The following BMAL2 variants were observed in gnomAD, a reference collection of about 807,000 sequenced individuals.
BMAL2 encodes the protein basic helix-loop-helix ARNT like 2.
the BMAL2 span, chr12:27,390,305 G>A: frequency 6.7e-7 from 1 of 1,493,522 alleles, no homozygotes; most frequent in Admixed American, 1.9e-5. Flanking sequence ...AATATTTTCT[G>A]TACAGAAAAA....
At chr12:27,409,736 T>A in the BMAL2 span, among the ~76,000 whole-genome samples, 5 of 151,694 alleles carry the variant, frequency 3.3e-5, no homozygotes, top group Non-Finnish European at 5.9e-5. Context: ...AAGCCAAAAT[T>A]GACAAATGGG....
chr12:27,373,844 G>A, the BMAL2 span, among the ~76,000 whole-genome samples: 1 of 152,128 alleles, frequency 6.6e-6, no homozygotes, highest in South Asian at 2.1e-4. Flanking sequence ...GTAATGTAAG[G>A]TTCTACACTA....
chr12:27,380,931 A>G, the BMAL2 span, among the ~76,000 whole-genome samples: 1 of 151,940 alleles, frequency 6.6e-6, no homozygotes, highest in Non-Finnish European at 1.5e-5. Flanking sequence ...GGTTGCAGTG[A>G]GCAGTAATCA....
chr12:27,346,242 A>C, the BMAL2 span, among the ~76,000 whole-genome samples: 3 of 152,220 alleles, frequency 2.0e-5, no homozygotes, highest in South Asian at 6.2e-4. Flanking sequence ...GAATGTGATG[A>C]TTAAACCTTT....
chr12:27,342,615 T>C, the BMAL2 span, among the ~76,000 whole-genome samples: 1 of 152,260 alleles, frequency 6.6e-6, no homozygotes, highest in Non-Finnish European at 1.5e-5. Flanking sequence ...GTGAACACAG[T>C]TTCCAGCTCT....
chr12:27,380,318 T>C, the BMAL2 span: 2 of 1,614,226 alleles, frequency 1.2e-6, no homozygotes, highest in East Asian at 4.5e-5. Flanking sequence ...CTGTCTGCAA[T>C]GATCCCTCAG....
the BMAL2 span, chr12:27,394,548 A>G: frequency 2.0e-5 from 3 of 152,228 alleles, no homozygotes; most frequent in Non-Finnish European, 4.4e-5. Flanking sequence ...GTGACTGCCC[A>G]TATAACCACT....
At chr12:27,346,455 G>T in the BMAL2 span, among the ~76,000 whole-genome samples, 1 of 152,106 alleles carries the variant, frequency 6.6e-6, no homozygotes, top group Admixed American at 6.5e-5. Flanking sequence ...TAGAGATGGG[G>T]TTTCACCATG....
the BMAL2 span, among the ~76,000 whole-genome samples, chr12:27,417,317 G>A: frequency 3.3e-5 from 5 of 152,188 alleles, no homozygotes; most frequent in East Asian, 3.8e-4. Context: ...ATTTCCCATA[G>A]TAGTTTTATA....
chr12:27,406,974 T>C, the BMAL2 span, among the ~76,000 whole-genome samples: 1 of 151,614 alleles, frequency 6.6e-6, no homozygotes, highest in African/African-American at 2.4e-5. Flanking sequence ...TTTAAACCAA[T>C]AAAGATCAAA....
the BMAL2 span, among the ~76,000 whole-genome samples, chr12:27,382,782 A>T: frequency 2.0e-5 from 3 of 152,184 alleles, no homozygotes; most frequent in African/African-American, 7.2e-5. Context: ...TAAAGGCAGA[A>T]GGATGGTGAT....
At chr12:27,415,975 C>G in the BMAL2 span, 1 of 1,415,174 alleles carries the variant, frequency 7.1e-7, no homozygotes, top group South Asian at 1.3e-5. Flanking sequence ...TGATAATATT[C>G]ATGAAATAAA....
At chr12:27,367,860 T>C in the BMAL2 span, among the ~76,000 whole-genome samples, 3 of 151,862 alleles carry the variant, frequency 2.0e-5, no homozygotes, top group Non-Finnish European at 4.4e-5. Flanking sequence ...ACACATTTTT[T>C]TTGAGAGGGA....
chr12:27,337,610 CT>C, the BMAL2 span, among the ~76,000 whole-genome samples: 62,147 of 151,950 alleles, frequency 0.41, 13,061 homozygotes, highest in Admixed American at 0.49. Context: ...GCAGATGTCA[CT>C]TTTTTTGTAT....
the BMAL2 span, chr12:27,389,174 A>T: frequency 6.4e-7 from 1 of 1,569,406 alleles, no homozygotes; most frequent in Non-Finnish European, 8.8e-7. Context: ...CTACCTTATG[A>T]ATAGGCTAGT....
At chr12:27,363,869 T>G in the BMAL2 span, among the ~76,000 whole-genome samples, 1 of 152,228 alleles carries the variant, frequency 6.6e-6, no homozygotes, top group African/African-American at 2.4e-5. Flanking sequence ...CTTGGGAATT[T>G]CTTTCTATGA....
At chr12:27,385,404 G>A in the BMAL2 span, 1 of 804,530 alleles carries the variant, frequency 1.2e-6, no homozygotes, top group Non-Finnish European at 2.1e-6. Context: ...ACCAGCAGCA[G>A]CAGCATTGCT....
the BMAL2 span, chr12:27,422,137 CG>C: frequency 3.3e-5 from 5 of 152,082 alleles, no homozygotes; most frequent in African/African-American, 7.2e-5. Context: ...TCTACCTTCT[CG>C]GGGATCATAC....
chr12:27,340,320 G>A, the BMAL2 span, among the ~76,000 whole-genome samples: 1 of 152,132 alleles, frequency 6.6e-6, no homozygotes, highest in African/African-American at 2.4e-5. Flanking sequence ...TTTGCATATT[G>A]CTAGCCAGTT....
Sources: gnomAD v4.1 joint callset for allele counts (sites outside exome capture counted in the v4.1 genomes callset) on GRCh38, gnomAD v4.1.1 for gene constraint, MANE v1.5 for transcripts, NCBI Gene and HGNC (gene_info 2026-07-23, HGNC 2026-07-21) for gene names.